Variants in COBLL1 observed in about 807,000 individuals in gnomAD.
COBLL1 encodes the protein cordon-bleu WH2 repeat protein like 1, also known as cordon-bleu protein-like 1.
A neutral mutation model predicts 94.8 loss-of-function variants in COBLL1; 50 were observed. That is an observed-to-expected ratio of 0.53 (90% CI 0.42 to 0.67). COBLL1 has a LOEUF of 0.67. Among genes scored for constraint, COBLL1 ranks in the 30% least tolerant of loss-of-function variants. COBLL1 has a pLI of 0.00. For synonymous variants in COBLL1, 448 were observed against 473.8 expected (o/e 0.95, Z 0.71); for missense variants, 1,362 against 1,348.7 (o/e 1.01, Z -0.15).
intron 2 of COBLL1, among the ~76,000 whole-genome samples, chr2:164,833,826 G>T (rs1004706376): frequency 2.0e-5 from 3 of 152,096 alleles, no homozygotes; most frequent in African/African-American, 7.2e-5. Context: ...AAAGTAAACA[G>T]TTTTAAAATA....
At chr2:164,758,591 A>T (rs1687526890) in intron 2 of COBLL1, among the ~76,000 whole-genome samples, 1 of 152,148 alleles carries the variant, frequency 6.6e-6, no homozygotes, top group Non-Finnish European at 1.5e-5. Context: ...CAAGCAACAT[A>T]TATGGGAGAA....
intron 2 of COBLL1, among the ~76,000 whole-genome samples, 181 bp downstream of exon 2, chr2:164,840,975 C>T (rs1421941056): frequency 6.6e-6 from 1 of 152,134 alleles, no homozygotes; most frequent in East Asian, 1.9e-4. Context: ...CCGAGCCCTC[C>T]GCCCGGGCGG....
intron 7 of COBLL1, chr2:164,721,857 T>C: frequency 3.1e-6 from 1 of 322,962 alleles, no homozygotes; most frequent in East Asian, 4.9e-5. Flanking sequence ...ATTTATCCTT[T>C]ACTGCATCAC....
chr2:164,806,403 T>C (rs374980031), intron 2 of COBLL1, among the ~76,000 whole-genome samples: 16 of 152,320 alleles, frequency 1.1e-4, no homozygotes, highest in African/African-American at 3.8e-4. Context: ...GTAACAGCAA[T>C]TTAATTTTGG....
At chr2:164,766,479 C>T (rs1357282730) in intron 2 of COBLL1, among the ~76,000 whole-genome samples, 1 of 152,130 alleles carries the variant, frequency 6.6e-6, no homozygotes, top group Admixed American at 6.5e-5. Flanking sequence ...CCCTTTTGCT[C>T]TTCCTCCTGC....
intron 13 of COBLL1, among the ~76,000 whole-genome samples, chr2:164,690,134 C>T (rs1038057204): frequency 2.0e-5 from 3 of 151,910 alleles, no homozygotes; most frequent in African/African-American, 7.3e-5. Context: ...ATTCCCTGAA[C>T]ATTCTTATGT....
At chr2:164,700,792 T>C in intron 9 of COBLL1, 36 bp from the exon 10 acceptor site, 5 of 1,302,020 alleles carry the variant, frequency 3.8e-6, no homozygotes, top group Non-Finnish European at 5.5e-6. Context: ...TAAATATTAA[T>C]TTGCCTCATT....
intron 2 of COBLL1, among the ~76,000 whole-genome samples, chr2:164,794,895 G>A (rs1467119954): frequency 1.3e-5 from 2 of 152,144 alleles, no homozygotes; most frequent in Non-Finnish European, 1.5e-5. Context: ...CACACAACAA[G>A]TGCTAATGTT....
chr2:164,742,395 G>A (rs139029482), intron 3 of COBLL1, among the ~76,000 whole-genome samples: 3,007 of 151,296 alleles, frequency 0.02, 43 homozygotes, highest in Non-Finnish European at 0.028. Flanking sequence ...AATAAAAAAG[G>A]AATTGCCTTT....
At chr2:164,815,691 A>G (rs13422348) in intron 2 of COBLL1, among the ~76,000 whole-genome samples, 53,753 of 151,950 alleles carry the variant, frequency 0.35, 9,711 homozygotes, top group Admixed American at 0.41. Context: ...CTATTTTTAA[A>G]CAATTTTCAA....
intron 2 of COBLL1, among the ~76,000 whole-genome samples, chr2:164,791,895 G>A (rs1168300447): frequency 1.3e-5 from 2 of 150,274 alleles, no homozygotes; most frequent in African/African-American, 4.9e-5. Flanking sequence ...TTTAAAAAAA[G>A]CAGCCGGCTT....
chr2:164,779,098 CTTGTTG>C (rs3835928), intron 2 of COBLL1, among the ~76,000 whole-genome samples: 7 of 151,612 alleles, frequency 4.6e-5, no homozygotes, highest in Non-Finnish European at 7.4e-5. Context: ...AGATCAATTG[CTTGTTG>C]TTGTTGTTGT....
chr2:164,723,711 G>A (rs1574473996), intron 5 of COBLL1: 2 of 151,290 alleles, frequency 1.3e-5, no homozygotes, highest in Non-Finnish European at 2.9e-5. Context: ...TTATGCTAGA[G>A]AACCAGTCCA....
At chr2:164,734,216 C>CAA (rs60971315) in intron 3 of COBLL1, among the ~76,000 whole-genome samples, 142 of 120,660 alleles carry the variant, frequency 1.2e-3, no homozygotes, top group African/African-American at 2.5e-3. Flanking sequence ...CATGCTCTGA[C>CAA]AAAAAAAAAA....
At chr2:164,694,050 AATG>A (rs1366832123) in intron 12 of COBLL1, among the ~76,000 whole-genome samples, 2 of 152,172 alleles carry the variant, frequency 1.3e-5, no homozygotes, top group East Asian at 1.9e-4. Context: ...ACAATTATAT[AATG>A]ATGACCTTAC....
chr2:164,714,240 C>G (rs1285613868), intron 7 of COBLL1, among the ~76,000 whole-genome samples: 1 of 151,742 alleles, frequency 6.6e-6, no homozygotes, highest in Non-Finnish European at 1.5e-5. Flanking sequence ...CTGAGGCAAT[C>G]CGTGCTTTCA....
chr2:164,758,983 G>A (rs1431247860), intron 2 of COBLL1, among the ~76,000 whole-genome samples: 2 of 151,710 alleles, frequency 1.3e-5, no homozygotes, highest in Non-Finnish European at 2.9e-5. Flanking sequence ...CACTAGGTTA[G>A]AAACCTAGCA....
intron 5 of COBLL1, chr2:164,724,270 T>A (rs1685609354): frequency 6.6e-6 from 1 of 152,104 alleles, no homozygotes; most frequent in Non-Finnish European, 1.5e-5. Flanking sequence ...TAACTCGTTG[T>A]TACATGTTTG....
chr2:164,719,206 GA>G (rs200176533), intron 7 of COBLL1, among the ~76,000 whole-genome samples: 64 of 148,552 alleles, frequency 4.3e-4, no homozygotes, highest in African/African-American at 1.5e-3. Context: ...GATGTAAAAA[GA>G]AAAAAAAACA....
Sources: gnomAD v4.1 joint callset for allele counts (sites outside exome capture counted in the v4.1 genomes callset) on GRCh38, gnomAD v4.1.1 for gene constraint, MANE v1.5 for transcripts, NCBI Gene and HGNC (gene_info 2026-07-23, HGNC 2026-07-21) for gene names.